Variants in TDRP observed in about 807,000 individuals in gnomAD.
TDRP encodes testis development-related protein.
A neutral mutation model predicts 10.5 loss-of-function variants in TDRP; 12 were observed. The ratio of observed to expected loss-of-function variants is 1.15; its 90% CI spans 0.73 to 1.86. TDRP has a LOEUF of 1.86. Among genes scored for constraint, TDRP ranks in the 40% most tolerant of loss-of-function variants. TDRP has a pLI of 0.00. For synonymous variants in TDRP, 139 were observed against 95.4 expected, an observed-to-expected ratio of 1.46 and a Z score of -2.67; for missense variants, 353 against 229.2, an observed-to-expected ratio of 1.54 and a Z score of -3.49.
Position 491,450 on chromosome 8 carries a change from C to G in TDRP, c.*949G>C. 3.2e-6 allele frequency: 2 copies of G among 631,224 alleles called. No homozygotes were observed. The highest frequency in any genetic ancestry group is 3.2e-5 in the South Asian group (1 of 31,010). 39.1% of individuals were successfully genotyped at this position (631,224 alleles called of 1,614,324 possible). A position where few individuals can be genotyped will look rare whatever the true frequency, so the allele number is the denominator to read the frequency against. On this transcript the variant is annotated 3_prime_UTR_variant, in exon 3 of 3. Transcript: ENST00000324079. ...ACAGAAAAAGAACGCGAGAGATGCTCTCAAACCGGTCGTCGATTATTCTTG... is the reference window on the plus strand; with the variant it reads ...ACAGAAAAAGAACGCGAGAGATGCTGTCAAACCGGTCGTCGATTATTCTTG...
At chr8:508,783 C>G (rs1393295890) in intron 1 of TDRP, among the ~76,000 whole-genome samples, 2 of 152,194 alleles carry the variant, frequency 1.3e-5, no homozygotes, top group Admixed American at 1.3e-4. Flanking sequence ...AGTCTTAATT[C>G]ATTTCAGCAT....
At chr8:530,322 G>C (rs916131200) in intron 1 of TDRP, among the ~76,000 whole-genome samples, 1 of 151,960 alleles carries the variant, frequency 6.6e-6, no homozygotes, top group Non-Finnish European at 1.5e-5. Flanking sequence ...TGAATTCTTT[G>C]TCAGATAATT....
chr8:540,338 T>A (rs1347333785), intron 1 of TDRP, among the ~76,000 whole-genome samples: 1 of 152,200 alleles, frequency 6.6e-6, no homozygotes, highest in Admixed American at 6.5e-5. Flanking sequence ...TGAAGGGAAC[T>A]CAAGGTACAG....
chr8:492,713 C>G lies in TDRP; in HGVS notation c.244G>C (p.Ala82Pro). The change falls in exon 3 of 3, where the codon GCA (alanine) becomes CCA (proline). Residue 82 changes from alanine (A) to proline (P), a missense_variant. Coordinates refer to ENST00000324079, the MANE Select transcript of TDRP (RefSeq NM_001384899.1). ...TNLRLKEELK[A>P]EKKSGFWDNL... ...TCCCAAAATCCAGATTTCTTCTCTG[C>G]CTTCAACTCTTCTTTTAATCGTAAG... The G allele has an allele frequency of 6.2e-7, 1 of 1,612,712 alleles. No individual in the cohort carries two copies. Among genetic ancestry groups the G allele is most frequent in the Non-Finnish European group, 8.5e-7 (1 of 1,179,240 alleles).
In TDRP at chr8:491,647, A is replaced by G. The variant is rs976952279; in HGVS notation, c.*752T>C. 33 of 1,531,134 alleles carry G rather than the reference A, an allele frequency of 2.2e-5. No homozygotes were observed. The highest frequency in any genetic ancestry group is 2.9e-5 in the Non-Finnish European group (33 of 1,145,274). 94.8% of individuals were successfully genotyped at this position (1,531,134 alleles called of 1,614,324 possible). On this transcript the variant is annotated 3_prime_UTR_variant, in exon 3 of 3. Coordinates refer to ENST00000324079, the MANE Select transcript of TDRP (RefSeq NM_001384899.1). ...TCCTAAATGAAATTATCAACTGACT[A>G]AAATTGATCCATACTTCTTTAATCT...
Position 494,534 on chromosome 8 carries a change from G to T in TDRP, c.172C>A (p.Gln58Lys). 1 of 1,613,882 alleles carries T rather than the reference G, an allele frequency of 6.2e-7. No individual in the cohort carries two copies. Among genetic ancestry groups the T allele is most frequent in the Non-Finnish European group, 8.5e-7 (1 of 1,179,866 alleles). Residue 58 changes from glutamine to lysine, a missense_variant, in exon 2 of 3, where the codon CAG becomes AAG. Physicochemically the swap from Gln to Lys is moderately conservative, Grantham distance 53. Transcript: ENST00000324079. ...VTSLFNKDDE[Q>K]HLLERCKSPK... ...GATTTACATCTTTCCAGGAGATGCTGCTCATCATCTTTGTTAAACAGTGAA... is the reference window on the plus strand; with the variant it reads ...GATTTACATCTTTCCAGGAGATGCTTCTCATCATCTTTGTTAAACAGTGAA...
chr8:519,255 C>G (rs551475557), intron 1 of TDRP, among the ~76,000 whole-genome samples: 1 of 152,292 alleles, frequency 6.6e-6, no homozygotes, highest in South Asian at 2.1e-4. Flanking sequence ...TGTGCCCTCC[C>G]CATGCCTTCC....
chr8:520,520 ACAGTTTTCC>A (rs1482525482), intron 1 of TDRP, among the ~76,000 whole-genome samples: 1 of 152,176 alleles, frequency 6.6e-6, no homozygotes, highest in African/African-American at 2.4e-5. Context: ...AAATCTCTAT[ACAGTTTTCC>A]ACAGCAGCTA....
intron 1 of TDRP, among the ~76,000 whole-genome samples, chr8:495,529 T>G (rs1036951098): frequency 2.0e-5 from 3 of 152,174 alleles, no homozygotes; most frequent in African/African-American, 7.2e-5. Flanking sequence ...AATCCATTAC[T>G]AAGAAGAATG....
At chr8:541,578 A>G (rs1802495354) in intron 1 of TDRP, among the ~76,000 whole-genome samples, 1 of 152,208 alleles carries the variant, frequency 6.6e-6, no homozygotes, top group Admixed American at 6.5e-5. Context: ...CAAACCACCT[A>G]ATTAAAAAAT....
At chr8:519,966 G>A (rs953459001) in intron 1 of TDRP, among the ~76,000 whole-genome samples, 1 of 152,188 alleles carries the variant, frequency 6.6e-6, no homozygotes, top group African/African-American at 2.4e-5. Flanking sequence ...TGCTTTACCG[G>A]CATCCAGCTA....
intron 1 of TDRP, among the ~76,000 whole-genome samples, chr8:537,160 C>G (rs1802367689): frequency 1.3e-5 from 2 of 152,248 alleles, no homozygotes; most frequent in Non-Finnish European, 2.9e-5. Context: ...AGGGGCACTG[C>G]TGAGCCCCAC....
At chr8:512,369 G>A (rs1300798984) in intron 1 of TDRP, among the ~76,000 whole-genome samples, 1 of 152,126 alleles carries the variant, frequency 6.6e-6, no homozygotes, top group African/African-American at 2.4e-5. Flanking sequence ...GGAGGCGGAG[G>A]CTGCAGTGAG....
chr8:508,849 C>A (rs1300658805), intron 1 of TDRP, among the ~76,000 whole-genome samples: 1 of 152,166 alleles, frequency 6.6e-6, no homozygotes, highest in East Asian at 1.9e-4. Flanking sequence ...TCCCTTTTGC[C>A]TATAAGCCTG....
At chr8:545,432 C>T (rs1448281732), upstream of TDRP, among the ~76,000 whole-genome samples, 4 of 145,132 alleles carry the variant, frequency 2.8e-5, no homozygotes, top group African/African-American at 1.0e-4. Context: ...CCCCCACTTA[C>T]TCCCGGACTG....
chr8:492,745 CTA>C lies in TDRP; in HGVS notation c.213-3_213-2del. On this transcript the variant is annotated splice_acceptor_variant and splice_polypyrimidine_tract_variant and intron_variant, in intron 2 of 2. Coordinates refer to ENST00000324079, the MANE Select transcript of TDRP (RefSeq NM_001384899.1). LOFTEE classifies it high-confidence loss of function. ...CTCTTCTTTTAATCGTAAGTTAGTT[CTA>C]TAGGAGATGAAAGAGTTAGGTGTTG... 3 of 1,595,730 alleles carry C rather than the reference CTA, an allele frequency of 1.9e-6. No homozygotes were observed. The highest frequency in any genetic ancestry group is 2.6e-6 in the Non-Finnish European group (3 of 1,169,658).
intron 1 of TDRP, among the ~76,000 whole-genome samples, chr8:515,190 C>G (rs147425874): frequency 6.6e-6 from 1 of 152,178 alleles, no homozygotes; most frequent in African/African-American, 2.4e-5. Context: ...TACAAGCACA[C>G]TGATAGGTTC....
At chr8:515,238 T>C (rs1291682426) in intron 1 of TDRP, among the ~76,000 whole-genome samples, 4 of 152,192 alleles carry the variant, frequency 2.6e-5, no homozygotes, top group Admixed American at 2.0e-4. Context: ...TGCTCTATCT[T>C]TTCTATGACT....
chr8:497,049 G>C (rs970160596), intron 1 of TDRP, among the ~76,000 whole-genome samples: 1 of 152,174 alleles, frequency 6.6e-6, no homozygotes, highest in African/African-American at 2.4e-5. Flanking sequence ...CTTTATAGCA[G>C]TGTGAAAACA....
Sources: gnomAD v4.1 joint callset for allele counts (sites outside exome capture counted in the v4.1 genomes callset) on GRCh38, gnomAD v4.1.1 for gene constraint, MANE v1.5 for transcripts, NCBI Gene and HGNC (gene_info 2026-07-23, HGNC 2026-07-21) for gene names.